LMBR1: variants seen among roughly 807,000 people sequenced by gnomAD.
LMBR1 encodes limb development membrane protein 1, also known as limb region 1 protein homolog.
Under a neutral mutation model 73.9 loss-of-function variants are expected in LMBR1, and 52 were observed. The ratio of observed to expected loss-of-function variants is 0.70; its 90% CI spans 0.56 to 0.89. The LOEUF (loss-of-function observed/expected upper bound fraction) is 0.89. LMBR1 is among the 40% of genes least tolerant of loss of function. LMBR1 has a pLI of 0.00. For synonymous variants in LMBR1, 215 were observed against 209.4 expected (o/e 1.03, Z -0.23); for missense variants, 539 against 579.8 (o/e 0.93, Z 0.72).
chr7:156,816,670 A>G (rs1303262064), intron 4 of LMBR1, among the ~76,000 whole-genome samples: 1 of 152,208 alleles, frequency 6.6e-6, no homozygotes, highest in African/African-American at 2.4e-5. Flanking sequence ...TTTGCAATAT[A>G]TAAGAAAGTA....
At position 156,680,395 on chromosome 7, in the gene LMBR1, A is replaced by AGTGTGTGTGTGT. The variant is rs1194019914; in HGVS notation, c.*3682_*3683insACACACACACAC. On this transcript the variant is annotated 3_prime_UTR_variant, in exon 17 of 17. Transcript: ENST00000353442. Reference sequence around the variant, plus strand: ...GAGAGACAGAGAGAGAGAGAGAGAGAGAGAGAGAGTGTGTGTGTGTGTGTG... The same window carrying AGTGTGTGTGTGT: ...GAGAGACAGAGAGAGAGAGAGAGAGAGTGTGTGTGTGTGAGAGAGAGTGTGTGTGTGTGTGTG... 9 of 138,086 alleles carry AGTGTGTGTGTGT rather than the reference A, an allele frequency of 6.5e-5. No individual in the cohort carries two copies. Among genetic ancestry groups the AGTGTGTGTGTGT allele is most frequent in the African/African-American group, 2.6e-4 (9 of 34,294 alleles). The allele number at this position is 138,086 out of a possible 1,614,324, so 8.6% of individuals were successfully genotyped here.
intron 4 of LMBR1, among the ~76,000 whole-genome samples, chr7:156,820,516 T>G (rs949638902): frequency 6.6e-6 from 1 of 152,112 alleles, no homozygotes; most frequent in African/African-American, 2.4e-5. Context: ...GGTAAGACAT[T>G]TGTGTGTCAA....
chr7:156,871,420 A>G (rs1799272274), intron 1 of LMBR1, among the ~76,000 whole-genome samples: 1 of 152,240 alleles, frequency 6.6e-6, no homozygotes. Context: ...TGAGGTGGAG[A>G]GAACACTTTC....
At chr7:156,875,671 A>G (rs1004673436) in intron 1 of LMBR1, among the ~76,000 whole-genome samples, 1 of 152,206 alleles carries the variant, frequency 6.6e-6, no homozygotes, top group Non-Finnish European at 1.5e-5. Flanking sequence ...CAGCCTCCTT[A>G]AACAAAACAA....
chr7:156,735,639 C>G (rs1463746101), intron 9 of LMBR1, among the ~76,000 whole-genome samples: 1 of 143,350 alleles, frequency 7.0e-6, no homozygotes, highest in Non-Finnish European at 1.5e-5. Flanking sequence ...TTTTGTTTTT[C>G]ATCCTAGACT....
chr7:156,761,863 G>C (rs1823064518), intron 8 of LMBR1, among the ~76,000 whole-genome samples: 1 of 151,804 alleles, frequency 6.6e-6, no homozygotes, highest in Non-Finnish European at 1.5e-5. Context: ...TGTAGTCCCA[G>C]CTACTCGGGA....
intron 15 of LMBR1, among the ~76,000 whole-genome samples, chr7:156,708,528 A>G (rs1811441548): frequency 6.6e-6 from 1 of 152,182 alleles, no homozygotes; most frequent in Admixed American, 6.5e-5. Flanking sequence ...ATCCCTGACT[A>G]TATCTCACAG....
chr7:156,699,249 C>T (rs1462926023), intron 15 of LMBR1, among the ~76,000 whole-genome samples: 7 of 152,094 alleles, frequency 4.6e-5, no homozygotes, highest in Middle Eastern at 3.4e-3. Context: ...GAAATAATGC[C>T]GCATATCTAC....
intron 5 of LMBR1, among the ~76,000 whole-genome samples, chr7:156,768,640 T>A (rs1174087161): frequency 1.3e-5 from 2 of 152,010 alleles, no homozygotes; most frequent in Non-Finnish European, 2.9e-5. Context: ...AAATAGGGTT[T>A]CCCCCAGGAG....
intron 4 of LMBR1, among the ~76,000 whole-genome samples, chr7:156,800,282 G>A (rs1437589258): frequency 1.3e-5 from 2 of 152,122 alleles, no homozygotes; most frequent in Non-Finnish European, 2.9e-5. Flanking sequence ...TCACTTGTTA[G>A]GGGCAAATAC....
At chr7:156,845,326 C>T (rs961879180) in intron 1 of LMBR1, among the ~76,000 whole-genome samples, 1 of 151,980 alleles carries the variant, frequency 6.6e-6, no homozygotes, top group African/African-American at 2.4e-5. Flanking sequence ...AAGATTCCGT[C>T]TCCAAATAAA....
At chr7:156,841,316 T>G (rs979930560) in intron 1 of LMBR1, among the ~76,000 whole-genome samples, 1 of 152,064 alleles carries the variant, frequency 6.6e-6, no homozygotes, top group Non-Finnish European at 1.5e-5. Flanking sequence ...GGATGGGCAG[T>G]TGGATAAAAA....
At chr7:156,784,023 A>G (rs1827650757) in intron 5 of LMBR1, among the ~76,000 whole-genome samples, 1 of 147,998 alleles carries the variant, frequency 6.8e-6, no homozygotes, top group Admixed American at 6.7e-5. Flanking sequence ...ACAGCATCAC[A>G]CTATAATACT....
intron 5 of LMBR1, among the ~76,000 whole-genome samples, chr7:156,780,578 C>T (rs1826955858): frequency 6.6e-6 from 1 of 152,168 alleles, no homozygotes; most frequent in Admixed American, 6.5e-5. Flanking sequence ...TAGTAAGGCT[C>T]TTTTCTTCTA....
intron 4 of LMBR1, among the ~76,000 whole-genome samples, chr7:156,820,789 CAGA>C (rs1271477202): frequency 6.6e-6 from 1 of 152,144 alleles, no homozygotes; most frequent in Non-Finnish European, 1.5e-5. Flanking sequence ...GAGTACAGCC[CAGA>C]AGGAGGGAAG....
intron 7 of LMBR1, among the ~76,000 whole-genome samples, chr7:156,762,846 A>AGTGTGTGTGTGTGTGTGTGTGTGT (rs35976164): frequency 2.7e-5 from 4 of 148,520 alleles, no homozygotes; most frequent in Admixed American, 6.7e-5. Context: ...TGTGAGTGTG[A>AGTGTGTGTGTGTGTGTGTGTGTGT]GTGTGTGTGT....
chr7:156,722,227 T>C (rs1363718751), intron 15 of LMBR1, among the ~76,000 whole-genome samples: 1 of 152,176 alleles, frequency 6.6e-6, no homozygotes, highest in Non-Finnish European at 1.5e-5. Flanking sequence ...CAGGGTTTCC[T>C]TGAGAGAGGC....
chr7:156,839,112 C>T (rs1242105626), intron 1 of LMBR1, among the ~76,000 whole-genome samples: 16 of 142,866 alleles, frequency 1.1e-4, no homozygotes, highest in African/African-American at 4.0e-4. Context: ...TGCAATGGCG[C>T]GATCTTGGCT....
At chr7:156,771,265 A>G (rs1014845259) in intron 5 of LMBR1, among the ~76,000 whole-genome samples, 3 of 151,644 alleles carry the variant, frequency 2.0e-5, no homozygotes, top group African/African-American at 7.2e-5. Flanking sequence ...ACGAAAAACC[A>G]TATGAAAGAT....
Sources: gnomAD v4.1 joint callset for allele counts (sites outside exome capture counted in the v4.1 genomes callset) on GRCh38, gnomAD v4.1.1 for gene constraint, MANE v1.5 for transcripts, NCBI Gene and HGNC (gene_info 2026-07-23, HGNC 2026-07-21) for gene names.